CARMIL1: variants seen among roughly 807,000 people sequenced by gnomAD.
CARMIL1 encodes capping protein regulator and myosin 1 linker 1.
In CARMIL1, 90 loss-of-function variants were observed where a neutral mutation model predicts 177.1. The ratio of observed to expected loss-of-function variants is 0.51; its 90% confidence interval spans 0.43 to 0.61. CARMIL1 has a LOEUF of 0.61. Among genes scored for constraint, CARMIL1 ranks in the 20% least tolerant of loss-of-function variants. The pLI is 0.00. For synonymous variants in CARMIL1, 577 were observed against 606.2 expected, an observed-to-expected ratio of 0.95 and a Z score of 0.71; for missense variants, 1,380 against 1,667.0, an observed-to-expected ratio of 0.83 and a Z score of 3.00.
rs565799245 is a variant in CARMIL1 at position 25,337,042 on chromosome 6, C to T, written c.138+52133C>T. On this transcript the variant is annotated intron_variant, in intron 2 of 36. Coordinates refer to ENST00000329474, the MANE Select transcript of CARMIL1 (RefSeq NM_017640.6). Reference sequence around the variant, plus strand: ...ATATTGTGTTTAAACTATATGCCTGCTTGAATAAGTGCAGTACTTATTTGT... The same window carrying T: ...ATATTGTGTTTAAACTATATGCCTGTTTGAATAAGTGCAGTACTTATTTGT... Among the ~76,000 whole-genome samples, 13 of 152,232 alleles carry T rather than the reference C, an allele frequency of 8.5e-5. No individual in the cohort carries two copies. The East Asian group carries it at 1.7e-3, about 20-fold the overall frequency.
intron 2 of CARMIL1, among the ~76,000 whole-genome samples, chr6:25,401,878 C>G (rs1324900072): frequency 6.6e-6 from 1 of 152,148 alleles, no homozygotes; most frequent in Non-Finnish European, 1.5e-5. Context: ...TGTGGAAGGT[C>G]TGAGACAGAG....
At chr6:25,435,739 T>A in intron 5 of CARMIL1, 135 bp downstream of exon 5, 1 of 1,083,638 alleles carries the variant, frequency 9.2e-7, no homozygotes, top group Non-Finnish European at 1.3e-6. Context: ...ATATTAAATA[T>A]CAAAACCCTT....
chr6:25,390,575 G>A (rs1438520755), intron 2 of CARMIL1, among the ~76,000 whole-genome samples: 2 of 151,738 alleles, frequency 1.3e-5, no homozygotes, highest in African/African-American at 4.9e-5. Flanking sequence ...GCCTGCCTCA[G>A]CCTCCCAAAG....
intron 2 of CARMIL1, among the ~76,000 whole-genome samples, chr6:25,400,563 C>CA (rs540473243): frequency 2.6e-5 from 4 of 151,990 alleles, no homozygotes; most frequent in African/African-American, 9.6e-5. Flanking sequence ...TGGTAATGGC[C>CA]AAAAAAATGT....
chr6:25,345,474 A>G (rs1248092062), intron 2 of CARMIL1, among the ~76,000 whole-genome samples: 1 of 152,060 alleles, frequency 6.6e-6, no homozygotes, highest in Non-Finnish European at 1.5e-5. Flanking sequence ...CCTGCTGGAC[A>G]TCTCTCCTGG....
intron 36 of CARMIL1, among the ~76,000 whole-genome samples, chr6:25,610,970 GA>G (rs2151334483): frequency 6.6e-6 from 1 of 152,300 alleles, no homozygotes; most frequent in East Asian, 1.9e-4. Context: ...TCTACACCCA[GA>G]AGGCTCTCGT....
chr6:25,510,285 T>A lies in CARMIL1; in HGVS notation c.1478-222T>A, dbSNP rs1011858381. ...GTTTAGCCACTGATTGTATAAGAGATTTAGATAAGTCTTTGTAGAGAATGA... is the reference window on the plus strand; with the variant it reads ...GTTTAGCCACTGATTGTATAAGAGAATTAGATAAGTCTTTGTAGAGAATGA... On this transcript the variant is annotated intron_variant, in intron 18 of 36. Coordinates refer to ENST00000329474, the MANE Select transcript of CARMIL1 (RefSeq NM_017640.6). Among the ~76,000 whole-genome samples the A allele has an allele frequency of 3.3e-5, 5 of 152,252 alleles. 1 individual carries two copies. The highest frequency in any genetic ancestry group is 3.3e-4 in the Admixed American group (5 of 15,280).
At chr6:25,367,252 T>C (rs1348021958) in intron 2 of CARMIL1, among the ~76,000 whole-genome samples, 1 of 152,188 alleles carries the variant, frequency 6.6e-6, no homozygotes, top group Non-Finnish European at 1.5e-5. Context: ...TATTTGGAGC[T>C]CTTTTTGTTA....
intron 2 of CARMIL1, among the ~76,000 whole-genome samples, chr6:25,354,459 G>A (rs1026084491): frequency 1.3e-4 from 20 of 149,426 alleles, no homozygotes; most frequent in African/African-American, 4.9e-4. Context: ...GATTACAGGA[G>A]TGAGCCACCG....
In CARMIL1 at chr6:25,545,706, G is replaced by A. The variant is rs115379681; in HGVS notation, c.2329-5204G>A. 6.8e-3 allele frequency among the ~76,000 whole-genome samples: 1,030 copies of A among 152,188 alleles called. 8 individuals carry two copies. The highest frequency in any genetic ancestry group is 0.031 in the Middle Eastern group (9 of 294). On this transcript the variant is annotated intron_variant, in intron 26 of 36. Coordinates refer to ENST00000329474, the MANE Select transcript of CARMIL1 (RefSeq NM_017640.6). ...GGTCATCTGCACAATTTCAGAGACC[G>A]TATTTTCTGGTCTCAATTCAAATAA...
intron 26 of CARMIL1, among the ~76,000 whole-genome samples, chr6:25,548,174 T>C (rs1809703210): frequency 6.6e-6 from 1 of 152,236 alleles, no homozygotes; most frequent in South Asian, 2.1e-4. Flanking sequence ...ATTTTTATTC[T>C]GTGCTAAAGA....
intron 8 of CARMIL1, chr6:25,452,088 T>G: frequency 1.4e-6 from 1 of 696,970 alleles, no homozygotes; most frequent in Non-Finnish European, 2.6e-6. Context: ...TCTAGCCAAC[T>G]GAATCGGCCA....
chr6:25,420,364 T>G, intron 3 of CARMIL1, 200 bp downstream of exon 3: 1 of 582,524 alleles, frequency 1.7e-6, no homozygotes, highest in Admixed American at 2.9e-5. Context: ...TCCTTCCTTC[T>G]TCCCAGAAGC....
At position 25,610,050 on chromosome 6, in the gene CARMIL1, A is replaced by T. The variant is rs1169573610; in HGVS notation, c.3848A>T (p.Asp1283Val). 33 of 1,613,540 alleles carry T rather than the reference A, an allele frequency of 2.0e-5. No homozygotes were observed. The highest frequency in any genetic ancestry group is 2.7e-5 in the Non-Finnish European group (32 of 1,179,728). Residue 1283 changes from aspartate (D) to valine (V), a missense_variant and splice_region_variant, in exon 36 of 37, where the codon GAT becomes GTT. Transcript: ENST00000329474. ...PQKPRTASRP[D>V]DIPDSPSSPK... ...GATTCACGTGTTTGTGTCTCCTTAG[A>T]TGACATTCCAGACTCTCCATCTAGC...
At chr6:25,518,480 C>G (rs1806230837) in intron 22 of CARMIL1, among the ~76,000 whole-genome samples, 1 of 152,216 alleles carries the variant, frequency 6.6e-6, no homozygotes, top group Non-Finnish European at 1.5e-5. Context: ...AGCCCCTTCT[C>G]TGTGCTGACC....
chr6:25,394,212 G>A (rs978149140), intron 2 of CARMIL1, among the ~76,000 whole-genome samples: 2 of 152,148 alleles, frequency 1.3e-5, no homozygotes, highest in Non-Finnish European at 2.9e-5. Flanking sequence ...AGCCCTTCCC[G>A]CTATGATTTT....
At chr6:25,390,914 C>T (rs540237629) in intron 2 of CARMIL1, among the ~76,000 whole-genome samples, 1 of 152,268 alleles carries the variant, frequency 6.6e-6, no homozygotes, top group South Asian at 2.1e-4. Flanking sequence ...GTTGGCCAGG[C>T]TGGTCTTGAA....
intron 8 of CARMIL1, among the ~76,000 whole-genome samples, chr6:25,461,268 T>G (rs1398904235): frequency 6.6e-6 from 1 of 152,224 alleles, no homozygotes; most frequent in East Asian, 1.9e-4. Context: ...TGTTCGAAAG[T>G]TTTCTACGAC....
chr6:25,364,298 A>C (rs1462051263), intron 2 of CARMIL1, among the ~76,000 whole-genome samples: 1 of 152,058 alleles, frequency 6.6e-6, no homozygotes, highest in African/African-American at 2.4e-5. Context: ...GTGTACATTT[A>C]GTTCTATGCA....
Sources: allele counts gnomAD v4.1 joint callset (sites outside exome capture counted in the v4.1 genomes callset), GRCh38; gene constraint gnomAD v4.1.1; transcripts MANE v1.5; gene names NCBI Gene and HGNC (gene_info 2026-07-23, HGNC 2026-07-21).